The following KIRREL3 variants were observed in gnomAD, a reference collection of about 807,000 sequenced individuals.
The protein encoded by KIRREL3 is kirre like nephrin family adhesion molecule 3.
In KIRREL3, 36 loss-of-function variants were observed where a neutral mutation model predicts 89.7. The observed-to-expected ratio is 0.40, with a 90% confidence interval of 0.31 to 0.53. The LOEUF is 0.53. Ranked by LOEUF, KIRREL3 falls within the 20% of genes least tolerant of loss-of-function variation. KIRREL3 has a pLI of 0.49. For synonymous variants in KIRREL3, 445 were observed against 441.4 expected (o/e 1.01, Z -0.10); for missense variants, 864 against 1,056.6 (o/e 0.82, Z 2.53).
intron 1 of KIRREL3, among the ~76,000 whole-genome samples, chr11:126,799,446 A>ATGTGTGTATGTGTGTG (rs1472497802): frequency 5.2e-5 from 1 of 19,202 alleles, no homozygotes; most frequent in Non-Finnish European, 1.1e-4. Context: ...ATCTGTGTGC[A>ATGTGTGTATGTGTGTG]TGCATCTCTG....
chr11:126,587,246 G>A lies in KIRREL3; in HGVS notation c.56-24334C>T, dbSNP rs894314745. On this transcript the variant is annotated intron_variant, in intron 1 of 16. Transcript: ENST00000525144. The surrounding 1 kb of genome is among the most constrained non-coding windows in gnomAD (Gnocchi z 5.2). ...AAATAGGGGACAGGGAGATGAAGAC[G>A]GGGGCTGCAGAGCGTTCCAGGCTGT... 6.6e-6 allele frequency among the ~76,000 whole-genome samples: 1 copy of A among 152,154 alleles called. No individual in the cohort carries two copies. Among genetic ancestry groups the A allele is most frequent in the Admixed American group, 6.5e-5 (1 of 15,268 alleles).
chr11:126,935,310 T>C (rs911242792), intron 1 of KIRREL3: 5 of 142,504 alleles, frequency 3.5e-5, no homozygotes, highest in African/African-American at 1.3e-4. Flanking sequence ...AGTGTGGCAG[T>C]TAAAAAAAAA....
At chr11:126,547,546 A>AC (rs1229233789) in intron 2 of KIRREL3, among the ~76,000 whole-genome samples, 1 of 152,040 alleles carries the variant, frequency 6.6e-6, no homozygotes, top group East Asian at 1.9e-4. Flanking sequence ...GGGGTAGGGG[A>AC]CCCACTGCTG....
chr11:126,576,893 T>C lies in KIRREL3; in HGVS notation c.56-13981A>G, dbSNP rs1474330898. On this transcript the variant is annotated intron_variant, in intron 1 of 16. Transcript: ENST00000525144. This position sits in a 1 kb window ranked among gnomAD's most constrained non-coding sequence, Gnocchi z 5.4. ...AGATGCTGCTATCTGCTGGGCACTTTACACACACACAGTTATGCCATTTAG... is the reference window on the plus strand; with the variant it reads ...AGATGCTGCTATCTGCTGGGCACTTCACACACACACAGTTATGCCATTTAG... 6.6e-6 allele frequency among the ~76,000 whole-genome samples: 1 copy of C among 152,126 alleles called. No homozygotes were observed. The highest frequency in any genetic ancestry group is 1.5e-5 in the Non-Finnish European group (1 of 68,034).
chr11:126,442,900 C>A (rs1478080383), intron 10 of KIRREL3, among the ~76,000 whole-genome samples: 1 of 152,222 alleles, frequency 6.6e-6, no homozygotes, highest in East Asian at 1.9e-4. Flanking sequence ...GGAGCTTGTG[C>A]TGGCAGGGGT....
At chr11:126,894,916 G>C (rs966854512) in intron 1 of KIRREL3, among the ~76,000 whole-genome samples, 1 of 152,106 alleles carries the variant, frequency 6.6e-6, no homozygotes, top group Admixed American at 6.6e-5. Flanking sequence ...CACAGTGGAG[G>C]GAAAGCCATT....
Position 126,958,855 on chromosome 11 carries a change from T to C in KIRREL3, c.55+41600A>G, listed in dbSNP as rs949422273. The stretch of plus-strand genomic sequence containing the variant: ...CCCTTGTGATGGTTAATTTTATGTG[T>C]CAACTCGACTGGGTTATAAAATTCC... On this transcript the variant is annotated intron_variant, in intron 1 of 16. Coordinates refer to ENST00000525144, the MANE Select transcript of KIRREL3 (RefSeq NM_032531.4). 4.6e-5 allele frequency among the ~76,000 whole-genome samples: 7 copies of C among 152,340 alleles called. No homozygotes were observed. In the South Asian group the frequency reaches 1.0e-3, roughly 23 times the overall value.
rs1290342017 is a variant in KIRREL3 at position 126,948,202 on chromosome 11, C to T, written c.55+52253G>A. On this transcript the variant is annotated intron_variant, in intron 1 of 16. Coordinates refer to ENST00000525144, the MANE Select transcript of KIRREL3 (RefSeq NM_032531.4). This position sits in a 1 kb window ranked among gnomAD's most constrained non-coding sequence, Gnocchi z 4.5. ...GTATAATACCTACCACGCTTGATGT[C>T]TTTCTCCTTTGATTTAATAAGAAAC... 6.6e-6 allele frequency among the ~76,000 whole-genome samples: 1 copy of T among 152,128 alleles called. No individual in the cohort carries two copies. Among genetic ancestry groups the T allele is most frequent in the Admixed American group, 6.5e-5 (1 of 15,270 alleles).
At chr11:126,658,654 G>C (rs1945262571) in intron 1 of KIRREL3, among the ~76,000 whole-genome samples, 1 of 152,210 alleles carries the variant, frequency 6.6e-6, no homozygotes, top group African/African-American at 2.4e-5. Context: ...TCCTGAATGG[G>C]ATCTGCATCT....
chr11:126,939,527 C>T (rs1948346396), intron 1 of KIRREL3, among the ~76,000 whole-genome samples: 1 of 152,204 alleles, frequency 6.6e-6, no homozygotes, highest in Non-Finnish European at 1.5e-5. Flanking sequence ...AGCAGGGACT[C>T]TCCTGGCCAC....
At chr11:126,880,929 T>C (rs1383037278) in intron 1 of KIRREL3, among the ~76,000 whole-genome samples, 3 of 152,240 alleles carry the variant, frequency 2.0e-5, no homozygotes, top group African/African-American at 7.2e-5. Flanking sequence ...GATGAAGCAC[T>C]GAAGTGATGA....
intron 1 of KIRREL3, among the ~76,000 whole-genome samples, chr11:126,922,983 G>C (rs544505866): frequency 6.6e-6 from 1 of 152,124 alleles, no homozygotes; most frequent in Non-Finnish European, 1.5e-5. Context: ...CCCTCGAGTC[G>C]GTGCCCTTGC....
At chr11:126,941,470 C>A (rs763009600) in intron 1 of KIRREL3, among the ~76,000 whole-genome samples, 1 of 152,156 alleles carries the variant, frequency 6.6e-6, no homozygotes, top group Non-Finnish European at 1.5e-5. Context: ...AAGTGGAGCT[C>A]AGGAATCTGC....
rs1951261538 is a variant in KIRREL3 at position 126,808,064 on chromosome 11, G to A, written c.55+192391C>T. The stretch of plus-strand genomic sequence containing the variant: ...AACTAGTGTGGATTAGGAGGAAGGT[G>A]AGCAAAGATGTTGCACTGCAAGTGG... On this transcript the variant is annotated intron_variant, in intron 1 of 16. Transcript: ENST00000525144. This position sits in a 1 kb window ranked among gnomAD's most constrained non-coding sequence, Gnocchi z 4.1. 6.6e-6 allele frequency among the ~76,000 whole-genome samples: 1 copy of A among 152,150 alleles called. No individual in the cohort carries two copies. Among genetic ancestry groups the A allele is most frequent in the South Asian group, 2.1e-4 (1 of 4,828 alleles).
At position 126,969,854 on chromosome 11, in the gene KIRREL3, A is replaced by G. The variant is rs910230891; in HGVS notation, c.55+30601T>C. ...TTCCCTTCTCTTCTCCTTTCTCTCT[A>G]CTCTGCATGGAAATGCAAAATGCTG... On this transcript the variant is annotated intron_variant, in intron 1 of 16. Transcript: ENST00000525144. This position sits in a 1 kb window ranked among gnomAD's most constrained non-coding sequence, Gnocchi z 4.9. Among the ~76,000 whole-genome samples the G allele has an allele frequency of 5.0e-4, 76 of 152,142 alleles. No individual in the cohort carries two copies. Among genetic ancestry groups the G allele is most frequent in the Admixed American group, 2.2e-3 (33 of 15,284 alleles).
At chr11:126,494,762 T>C (rs1474697307) in intron 4 of KIRREL3, among the ~76,000 whole-genome samples, 1 of 152,094 alleles carries the variant, frequency 6.6e-6, no homozygotes, top group East Asian at 1.9e-4. Flanking sequence ...TGTTCAGGCC[T>C]GAAACTGTTT....
intron 4 of KIRREL3, among the ~76,000 whole-genome samples, chr11:126,478,635 GTGTA>G (rs1432274746): frequency 5.4e-5 from 8 of 147,610 alleles, no homozygotes; most frequent in South Asian, 2.1e-4. Flanking sequence ...GTGTATGCGT[GTGTA>G]TGTGTGTATG....
At chr11:126,716,767 G>T (rs1228435053) in intron 1 of KIRREL3, among the ~76,000 whole-genome samples, 2 of 146,174 alleles carry the variant, frequency 1.4e-5, no homozygotes, top group Non-Finnish European at 3.0e-5. Context: ...GGGGAAGTGT[G>T]GGGGAGAGTA....
At chr11:126,487,328 A>G (rs1957392991) in intron 4 of KIRREL3, among the ~76,000 whole-genome samples, 1 of 152,190 alleles carries the variant, frequency 6.6e-6, no homozygotes, top group South Asian at 2.1e-4. Context: ...GTGGGGTGCA[A>G]GTCACCTGCT....
Sources: allele counts gnomAD v4.1 joint callset (sites outside exome capture counted in the v4.1 genomes callset), GRCh38; gene constraint gnomAD v4.1.1; non-coding constraint Gnocchi (gnomAD v3.1); transcripts MANE v1.5; gene names NCBI Gene and HGNC (gene_info 2026-07-23, HGNC 2026-07-21).